The following CALN1 variants were observed in gnomAD, a reference collection of about 807,000 sequenced individuals.
CALN1 encodes calcium-binding protein 8.
Under a neutral mutation model 30.6 loss-of-function variants are expected in CALN1, and 17 were observed. The observed-to-expected ratio is 0.56, with a 90% CI of 0.38 to 0.83. The LOEUF is 0.83. Among genes scored for constraint, CALN1 ranks in the 40% least tolerant of loss-of-function variants. The probability of loss-of-function intolerance (pLI) is 0.00; values close to 1 mark genes in which losing one functional copy is unlikely to be tolerated. For synonymous variants in CALN1, 156 were observed against 131.4 expected, an observed-to-expected ratio of 1.19 and a Z score of -1.28; for missense variants, 291 against 354.9, an observed-to-expected ratio of 0.82 and a Z score of 1.45.
Position 71,898,016 on chromosome 7 carries a change from G to GAGAGAGA in CALN1, c.502-87525_502-87524insTCTCTCT, listed in dbSNP as rs1562882209. ...AAGAGAGAGAGAGGGAGGGAGGGGG[G>GAGAGAGA]GGGAGAGAGAGAGAGAGAGAGAGAA... On this transcript the variant is annotated intron_variant, in intron 5 of 6. Transcript: ENST00000395275. 4.4e-4 allele frequency among the ~76,000 whole-genome samples: 34 copies of GAGAGAGA among 77,672 alleles called. 1 individual carries two copies. Among genetic ancestry groups the GAGAGAGA allele is most frequent in the African/African-American group, 1.8e-3 (30 of 17,126 alleles). The allele number at this position is 77,672 out of a possible 152,430, so 51.0% of individuals were successfully genotyped here. A position where few individuals can be genotyped will look rare whatever the true frequency, so the allele number is the denominator to read the frequency against.
intron 5 of CALN1, among the ~76,000 whole-genome samples, chr7:71,948,974 T>C (rs983933396): frequency 3.5e-5 from 5 of 141,770 alleles, no homozygotes; most frequent in African/African-American, 1.3e-4. Context: ...GCCCAGGAGT[T>C]CCAGGCTGCA....
intron 3 of CALN1, among the ~76,000 whole-genome samples, chr7:72,167,582 TG>T (rs1235535090): frequency 6.6e-6 from 1 of 152,226 alleles, no homozygotes; most frequent in African/African-American, 2.4e-5. Context: ...TGACCTCAAG[TG>T]ATCCACCCTC....
intron 3 of CALN1, among the ~76,000 whole-genome samples, chr7:72,258,379 G>A (rs546929171): frequency 3.3e-5 from 5 of 152,270 alleles, no homozygotes; most frequent in African/African-American, 1.2e-4. Context: ...GAGCCAGAGT[G>A]AACTTCCTTT....
chr7:71,788,980 T>G (rs988752460), intron 6 of CALN1, among the ~76,000 whole-genome samples: 2 of 151,996 alleles, frequency 1.3e-5, no homozygotes, highest in Non-Finnish European at 2.9e-5. Flanking sequence ...TAATTTTCAT[T>G]TTTGTAGAGA....
At chr7:72,019,115 T>G (rs1411911057) in intron 5 of CALN1, among the ~76,000 whole-genome samples, 3 of 151,790 alleles carry the variant, frequency 2.0e-5, no homozygotes, top group Non-Finnish European at 4.4e-5. Flanking sequence ...CCTCCCTAAG[T>G]GCTGGGATTA....
In CALN1 at chr7:72,262,104, T is replaced by C. The variant is rs763347123; in HGVS notation, c.244+16582A>G. On this transcript the variant is annotated intron_variant, in intron 3 of 6. Coordinates refer to ENST00000395275, the MANE Select transcript of CALN1 (RefSeq NM_031468.4). ...AAAGAGAGGCCAGTGTCACCCTCCA[T>C]AGGGGAGTGAGTTCTGGTCAACCGG... Among the ~76,000 whole-genome samples the C allele has an allele frequency of 1.3e-4, 20 of 152,302 alleles. 1 individual carries two copies. Among genetic ancestry groups the C allele is most frequent in the South Asian group, 1.2e-3 (6 of 4,826 alleles).
intron 5 of CALN1, among the ~76,000 whole-genome samples, chr7:71,919,960 C>T (rs966462558): frequency 1.3e-5 from 2 of 151,982 alleles, no homozygotes; most frequent in African/African-American, 2.4e-5. Flanking sequence ...CTCACCATGA[C>T]GGAAAGAAAA....
intron 2 of CALN1, among the ~76,000 whole-genome samples, chr7:72,380,323 A>C (rs1279686343): frequency 2.0e-5 from 3 of 152,216 alleles, no homozygotes; most frequent in Non-Finnish European, 4.4e-5. Context: ...TCTCAAAGAA[A>C]GAGCCTATTC....
chr7:72,218,916 G>A lies in CALN1; in HGVS notation c.244+59770C>T, dbSNP rs189403370. Among the ~76,000 whole-genome samples the A allele has an allele frequency of 1.7e-3, 266 of 152,300 alleles. 2 individuals carry two copies. Among genetic ancestry groups the A allele is most frequent in the Middle Eastern group, 0.017 (5 of 294 alleles). On this transcript the variant is annotated intron_variant, in intron 3 of 6. Coordinates refer to ENST00000395275, the MANE Select transcript of CALN1 (RefSeq NM_031468.4). The stretch of plus-strand genomic sequence containing the variant: ...TGGCCGGCAGGTAAAAAGTCATGGA[G>A]TTCAGGAAGGGGCTGGGTAGGAGAG...
At chr7:72,214,479 A>G (rs1000511147) in intron 3 of CALN1, among the ~76,000 whole-genome samples, 13 of 152,198 alleles carry the variant, frequency 8.5e-5, no homozygotes, top group East Asian at 3.9e-4. Context: ...ACTCCATCTC[A>G]GAAAAAAAAA....
intron 5 of CALN1, among the ~76,000 whole-genome samples, chr7:71,957,559 C>A (rs914301691): frequency 6.6e-6 from 1 of 152,160 alleles, no homozygotes; most frequent in Non-Finnish European, 1.5e-5. Context: ...ACCTAAAATG[C>A]CTTCCTCAAC....
intron 3 of CALN1, among the ~76,000 whole-genome samples, chr7:72,198,384 CTTTA>C (rs1290329119): frequency 6.6e-6 from 1 of 152,162 alleles, no homozygotes; most frequent in Non-Finnish European, 1.5e-5. Flanking sequence ...AGGTACCTTG[CTTTA>C]TTTATTACCT....
At chr7:72,158,774 T>C (rs1463953817) in intron 3 of CALN1, among the ~76,000 whole-genome samples, 1 of 152,186 alleles carries the variant, frequency 6.6e-6, no homozygotes, top group Admixed American at 6.5e-5. Context: ...TACCCGAGTC[T>C]TGATGCCATT....
chr7:72,251,126 C>T (rs1795525086), intron 3 of CALN1, among the ~76,000 whole-genome samples: 1 of 152,074 alleles, frequency 6.6e-6, no homozygotes, highest in Non-Finnish European at 1.5e-5. Flanking sequence ...ACTACAGTCC[C>T]ATCTTTTGAC....
intron 4 of CALN1, among the ~76,000 whole-genome samples, chr7:72,043,264 C>A (rs564826812): frequency 6.6e-6 from 1 of 152,170 alleles, no homozygotes; most frequent in Non-Finnish European, 1.5e-5. Context: ...CCTCACACAG[C>A]TGGTCAAAGT....
chr7:72,430,373 T>C (rs1164752315), intron 1 of CALN1, among the ~76,000 whole-genome samples: 2 of 150,966 alleles, frequency 1.3e-5, no homozygotes, highest in Non-Finnish European at 2.9e-5. Flanking sequence ...GTATTTAATT[T>C]GTGGTCAATT....
chr7:72,065,137 T>C lies in CALN1; in HGVS notation c.388+41014A>G, dbSNP rs1803932938. On this transcript the variant is annotated intron_variant, in intron 4 of 6. Transcript: ENST00000395275. ...TGTTAATATATGTAAAATATATTTATATTTTAAAATATTAATATTAAAATA... is the reference window on the plus strand; with the variant it reads ...TGTTAATATATGTAAAATATATTTACATTTTAAAATATTAATATTAAAATA... Among the ~76,000 whole-genome samples the C allele has an allele frequency of 2.0e-5, 3 of 148,304 alleles. No individual in the cohort carries two copies. The South Asian group carries it at 6.3e-4, about 31-fold the overall frequency.
intron 5 of CALN1, among the ~76,000 whole-genome samples, chr7:71,854,765 A>T (rs909317631): frequency 6.6e-5 from 10 of 152,080 alleles, no homozygotes; most frequent in African/African-American, 2.2e-4. Flanking sequence ...ATTCACTGTG[A>T]GTGTCTGTCA....
Position 72,242,337 on chromosome 7 carries a change from C to T in CALN1, c.244+36349G>A, listed in dbSNP as rs138075762. Among the ~76,000 whole-genome samples, 707 of 152,188 alleles carry T rather than the reference C, an allele frequency of 4.6e-3. 5 individuals carry two copies. Among genetic ancestry groups the T allele is most frequent in the African/African-American group, 0.016 (682 of 41,552 alleles). ...CATATCTGTTTGAGTCCCTGCTTTCCATCCTTTGGGGTATAGGCATAAATT... is the reference window on the plus strand; with the variant it reads ...CATATCTGTTTGAGTCCCTGCTTTCTATCCTTTGGGGTATAGGCATAAATT... On this transcript the variant is annotated intron_variant, in intron 3 of 6. Coordinates refer to ENST00000395275, the MANE Select transcript of CALN1 (RefSeq NM_031468.4).
Sources: gnomAD v4.1 joint callset for allele counts (sites outside exome capture counted in the v4.1 genomes callset) on GRCh38, gnomAD v4.1.1 for gene constraint, MANE v1.5 for transcripts, NCBI Gene and HGNC (gene_info 2026-07-23, HGNC 2026-07-21) for gene names.